Variants in TMX4 observed in about 807,000 individuals in gnomAD.
TMX4 encodes thioredoxin-related transmembrane protein 4.
TMX4 carries 23 observed loss-of-function variants against 33.3 expected under a neutral mutation model. The observed-to-expected ratio is 0.69, with a 90% CI of 0.50 to 0.98. The LOEUF (loss-of-function observed/expected upper bound fraction) is 0.98, where lower values mean the gene tolerates loss of function less well. TMX4 is among the 50% of genes least tolerant of loss of function. The pLI, the probability that TMX4 is intolerant of heterozygous loss-of-function variation, is 0.00. For synonymous variants in TMX4, 164 were observed against 161.5 expected, an observed-to-expected ratio of 1.02 and a Z score of -0.12; for missense variants, 399 against 448.9, an observed-to-expected ratio of 0.89 and a Z score of 1.01.
chr20:7,995,873 A>G (rs1439216159), intron 5 of TMX4, among the ~76,000 whole-genome samples, 153 bp downstream of exon 5: 1 of 152,014 alleles, frequency 6.6e-6, no homozygotes, highest in Non-Finnish European at 1.5e-5. Context: ...CGACATTACC[A>G]CTGGAAACCC....
chr20:7,981,337 C>T lies in TMX4; in HGVS notation c.*914G>A, dbSNP rs1434823891. ...CTTTTCTTCACAAGACTACCTTGTA[C>T]TGGCAAGACTTAGAGGACTTCTGGC... On this transcript the variant is annotated 3_prime_UTR_variant, in exon 8 of 8. Coordinates refer to ENST00000246024, the MANE Select transcript of TMX4 (RefSeq NM_021156.4). 1.3e-5 allele frequency: 2 copies of T among 152,152 alleles called. No individual in the cohort carries two copies. Among genetic ancestry groups the T allele is most frequent in the African/African-American group, 4.8e-5 (2 of 41,426 alleles). 9.4% of individuals were successfully genotyped at this position (152,152 alleles called of 1,614,324 possible). A position where few individuals can be genotyped will look rare whatever the true frequency, so the allele number is the denominator to read the frequency against.
intron 1 of TMX4, among the ~76,000 whole-genome samples, chr20:8,016,318 G>A (rs6133526): frequency 0.078 from 11,871 of 152,150 alleles, 1,056 homozygotes; most frequent in East Asian, 0.53. Flanking sequence ...GGTACACTGA[G>A]CTGAAATCGC....
chr20:8,001,057 T>C (rs534038021), intron 3 of TMX4, among the ~76,000 whole-genome samples: 5 of 152,314 alleles, frequency 3.3e-5, no homozygotes, highest in Non-Finnish European at 7.4e-5. Flanking sequence ...CCCCTGCCTG[T>C]ACCTGAGTCT....
At chr20:8,019,303 G>T in intron 1 of TMX4, 135 bp downstream of exon 1, 1 of 1,104,562 alleles carries the variant, frequency 9.1e-7, no homozygotes, top group Non-Finnish European at 1.2e-6. Context: ...CGGCGCCGCA[G>T]GTTGTTGGCA....
At position 7,979,755 on chromosome 20, in the gene TMX4, A is replaced by G. The variant is rs1279294165; in HGVS notation, c.*2496T>C. The G allele has an allele frequency of 6.6e-6, 1 of 151,606 alleles. No individual in the cohort carries two copies. Among genetic ancestry groups the G allele is most frequent in the Non-Finnish European group, 1.5e-5 (1 of 67,914 alleles). 9.4% of individuals were successfully genotyped at this position (151,606 alleles called of 1,614,324 possible). On this transcript the variant is annotated 3_prime_UTR_variant, in exon 8 of 8. Coordinates refer to ENST00000246024, the MANE Select transcript of TMX4 (RefSeq NM_021156.4). ...TCCATCTCAAAAAAAAAAAAAAAAG[A>G]AAATACATTTTTCTTATTATATAAT...
intron 5 of TMX4, among the ~76,000 whole-genome samples, chr20:7,992,586 G>A (rs1247879843): frequency 6.6e-6 from 1 of 152,148 alleles, no homozygotes; most frequent in Non-Finnish European, 1.5e-5. Flanking sequence ...CAAGAACATA[G>A]GGGAGGTTGG....
At position 7,995,900 on chromosome 20, in the gene TMX4, C is replaced by T. The variant is rs187364387; in HGVS notation, c.513+126G>A. ...TGGAAACCCCACATGAGAGTAGTTG[C>T]ATGGCTTAAGAAAAAAAGTGAAATT... On this transcript the variant is annotated intron_variant, in intron 5 of 7. Coordinates refer to ENST00000246024, the MANE Select transcript of TMX4 (RefSeq NM_021156.4). 75 of 792,352 alleles carry T rather than the reference C, an allele frequency of 9.5e-5. No individual in the cohort carries two copies. The African/African-American group carries it at 1.1e-3, about 12-fold the overall frequency. 49.1% of individuals were successfully genotyped at this position (792,352 alleles called of 1,614,324 possible). A position where few individuals can be genotyped will look rare whatever the true frequency, so the allele number is the denominator to read the frequency against.
At chr20:7,998,784 T>C (rs763483952) in intron 4 of TMX4, among the ~76,000 whole-genome samples, 5 of 152,174 alleles carry the variant, frequency 3.3e-5, no homozygotes, top group Non-Finnish European at 7.3e-5. Flanking sequence ...CATTCAGATC[T>C]CACCTAGAGG....
At position 7,999,747 on chromosome 20, in the gene TMX4, G is replaced by A. The variant is rs2050695376; in HGVS notation, c.452C>T (p.Ser151Phe). Residue 151 changes from serine (S) to phenylalanine (F), a missense_variant, in exon 4 of 8, where the codon TCC becomes TTC. Ser to Phe is a radical substitution (Grantham distance 155). Transcript: ENST00000246024. ...ATTGAGTTACGTTAGAGAAGCCGGGGATTTCCAGCCAGTCAGAGGCTCGAC... is the reference window on the plus strand; with the variant it reads ...ATTGAGTTACGTTAGAGAAGCCGGGAATTTCCAGCCAGTCAGAGGCTCGAC... ...QSVEPLTGWKSPASLTMSGMA... is the reference protein window; with the variant it reads ...QSVEPLTGWKFPASLTMSGMA... The A allele has an allele frequency of 6.2e-7, 1 of 1,610,470 alleles. No individual in the cohort carries two copies. The highest frequency in any genetic ancestry group is 8.5e-7 in the Non-Finnish European group (1 of 1,179,006).
At chr20:7,996,155 T>G in intron 4 of TMX4, 84 bp from the exon 5 acceptor site, 1 of 1,058,740 alleles carries the variant, frequency 9.4e-7, no homozygotes, top group Non-Finnish European at 1.4e-6. Flanking sequence ...ACTGGTCTAT[T>G]TCCCTCCACT....
chr20:7,997,673 G>T (rs978301566), intron 4 of TMX4, among the ~76,000 whole-genome samples: 1 of 152,186 alleles, frequency 6.6e-6, no homozygotes, highest in African/African-American at 2.4e-5. Flanking sequence ...CAAGACTTGC[G>T]TCAAAAATAA....
rs888918864 is a variant in TMX4, at chr20:8,019,731, C to G, written c.-118G>C. 39 of 895,746 alleles carry G rather than the reference C, an allele frequency of 4.4e-5. No homozygotes were observed. Among genetic ancestry groups the G allele is most frequent in the Non-Finnish European group, 5.7e-5 (38 of 671,642 alleles). The allele number at this position is 895,746 out of a possible 1,614,324, so 55.5% of individuals were successfully genotyped here. A position where few individuals can be genotyped will look rare whatever the true frequency, so the allele number is the denominator to read the frequency against. On this transcript the variant is annotated 5_prime_UTR_variant, in exon 1 of 8. Coordinates refer to ENST00000246024, the MANE Select transcript of TMX4 (RefSeq NM_021156.4). ...GCGGGAGACGCAAGGGCCACCCCGC[C>G]TACGCCTAGCGGCGCAGACTGGCGG...
chr20:8,001,453 T>A, intron 3 of TMX4, 43 bp downstream of exon 3: 1 of 1,542,158 alleles, frequency 6.5e-7, no homozygotes, highest in South Asian at 1.2e-5. Context: ...ACACATCTAT[T>A]GATTTCTAAT....
At position 7,995,450 on chromosome 20, in the gene TMX4, C is replaced by T. The variant is rs368269579; in HGVS notation, c.513+576G>A. Among the ~76,000 whole-genome samples, 43 of 152,238 alleles carry T rather than the reference C, an allele frequency of 2.8e-4. 1 individual carries two copies. The highest frequency in any genetic ancestry group is 9.4e-4 in the African/African-American group (39 of 41,544). On this transcript the variant is annotated intron_variant, in intron 5 of 7. Transcript: ENST00000246024. ...ACTGAAATGACTCAGAGAAATTATA[C>T]GATCACATATAGCAGGGGTCTACTA...
chr20:7,982,589 C>T lies in TMX4; in HGVS notation c.712G>A (p.Ala238Thr). 6.2e-7 allele frequency: 1 copy of T among 1,613,090 alleles called. No individual in the cohort carries two copies. The highest frequency in any genetic ancestry group is 8.5e-7 in the Non-Finnish European group (1 of 1,179,876). The change falls in exon 8 of 8, where the codon GCT becomes ACT. Residue 238 changes from alanine (A) to threonine (T), a missense_variant. Coordinates refer to ENST00000246024, the MANE Select transcript of TMX4 (RefSeq NM_021156.4). Reference protein sequence around the residue: ...QNRRSEEAHRAEQLQDAEEEK... With the variant: ...QNRRSEEAHRTEQLQDAEEEK... ...TCCTCCGCATCCTGCAACTGTTCAG[C>T]TCTATGAGCCTCCTCTGATCTCCGA...
intron 2 of TMX4, among the ~76,000 whole-genome samples, chr20:8,004,419 T>C (rs1422785014): frequency 6.6e-6 from 1 of 152,216 alleles, no homozygotes; most frequent in East Asian, 1.9e-4. Context: ...TTCAGTAAGC[T>C]TGGAAGAAAC....
At chr20:8,017,296 G>A (rs541322660) in intron 1 of TMX4, among the ~76,000 whole-genome samples, 81 of 152,230 alleles carry the variant, frequency 5.3e-4, no homozygotes, top group African/African-American at 1.7e-3. Flanking sequence ...AAGTGCACTC[G>A]ATAAAAAGAG....
intron 4 of TMX4, among the ~76,000 whole-genome samples, chr20:7,997,212 C>A (rs1294817600): frequency 2.0e-5 from 3 of 152,020 alleles, no homozygotes; most frequent in Non-Finnish European, 4.4e-5. Context: ...CTTTTTCCTT[C>A]TTTCTAGGTG....
chr20:8,018,974 T>G, intron 1 of TMX4: 1 of 442,634 alleles, frequency 2.3e-6, no homozygotes, highest in Non-Finnish European at 4.5e-6. Context: ...GCTTAGCCTG[T>G]GCTACGTATT....
Sources: allele counts gnomAD v4.1 joint callset (sites outside exome capture counted in the v4.1 genomes callset), GRCh38; gene constraint gnomAD v4.1.1; transcripts MANE v1.5; gene names NCBI Gene and HGNC (gene_info 2026-07-23, HGNC 2026-07-21).